Variants in SCARB2 observed in about 807,000 individuals in gnomAD.
SCARB2 encodes scavenger receptor class B member 2.
SCARB2 carries 29 observed loss-of-function variants against 58.6 expected under a neutral mutation model. That is an observed-to-expected ratio of 0.49 (90% CI 0.37 to 0.67). The LOEUF (loss-of-function observed/expected upper bound fraction) is 0.67, where lower values mean the gene tolerates loss of function less well. SCARB2 is among the 30% of genes least tolerant of loss of function. SCARB2 has a pLI of 0.00. For synonymous variants in SCARB2, 195 were observed against 210.1 expected (o/e 0.93, Z 0.62); for missense variants, 488 against 578.5 (o/e 0.84, Z 1.60).
chr4:76,195,647 CT>C, intron 2 of SCARB2, 59 bp downstream of exon 2: 1 of 1,470,292 alleles, frequency 6.8e-7, no homozygotes, highest in Non-Finnish European at 9.5e-7. Context: ...GAGGCAAGGA[CT>C]CAGGCCATAT....
chr4:76,184,709 G>A (rs1376049636), intron 2 of SCARB2: 4 of 281,024 alleles, frequency 1.4e-5, no homozygotes, highest in South Asian at 1.3e-4. Flanking sequence ...TTGAGCCCAG[G>A]AGTTTGACGT....
intron 1 of SCARB2, among the ~76,000 whole-genome samples, chr4:76,200,673 G>A (rs1159021263): frequency 6.6e-6 from 1 of 152,124 alleles, no homozygotes; most frequent in Admixed American, 6.5e-5. Context: ...AACAGCTTAT[G>A]CCTGAAATTA....
At chr4:76,200,375 C>T (rs1425844406) in intron 1 of SCARB2, among the ~76,000 whole-genome samples, 1 of 152,158 alleles carries the variant, frequency 6.6e-6, no homozygotes, top group East Asian at 1.9e-4. Flanking sequence ...TGAATTTTTC[C>T]ACGCACAATA....
At chr4:76,214,318 T>A (rs1222258711), upstream of SCARB2, 1 of 455,910 alleles carries the variant, frequency 2.2e-6, no homozygotes, top group Non-Finnish European at 4.4e-6. Context: ...GGGCCCCACA[T>A]TGAACTGGGG....
rs148022786 is a variant in SCARB2 at position 76,180,998 on chromosome 4, C to A, written c.379G>T (p.Asp127Tyr). ...YVFERDQSVGDPKIDLIRTLN... is the reference protein window; with the variant it reads ...YVFERDQSVGYPKIDLIRTLN... ...GTTCTAATTAAGTCAATTTTAGGGT[C>A]TCCAACAGATTGGTCTCGTTCAAAA... Residue 127 changes from aspartate (D) to tyrosine (Y), a missense_variant, in exon 3 of 12, where the codon GAC (aspartate) becomes TAC (tyrosine). By Grantham distance (160) the Asp-to-Tyr change is radical. Transcript: ENST00000264896. The A allele has an allele frequency of 6.0e-5, 97 of 1,613,640 alleles. No homozygotes were observed. In the African/African-American group the frequency reaches 1.1e-3, roughly 18 times the overall value.
intron 1 of SCARB2, among the ~76,000 whole-genome samples, chr4:76,229,037 A>G (rs60225905): frequency 0.15 from 22,778 of 151,944 alleles, 2,024 homozygotes; most frequent in East Asian, 0.35. Flanking sequence ...TTTTTTAATT[A>G]CTTTTTCTTT....
At chr4:76,222,013 C>T (rs563271438) in intron 1 of SCARB2, among the ~76,000 whole-genome samples, 12 of 152,210 alleles carry the variant, frequency 7.9e-5, no homozygotes, top group Non-Finnish European at 1.2e-4. Context: ...AAGGGATCCA[C>T]CTGGTATACT....
chr4:76,179,915 T>C lies in SCARB2; in HGVS notation c.424-210A>G, dbSNP rs3816248. 96,438 of 608,336 alleles carry C rather than the reference T, an allele frequency of 0.16. 9,175 individuals are homozygous for C. The highest frequency in any genetic ancestry group is 0.34 in the East Asian group (12,160 of 35,478). The allele number at this position is 608,336 out of a possible 1,614,324, so 37.7% of individuals were successfully genotyped here. A position where few individuals can be genotyped will look rare whatever the true frequency, so the allele number is the denominator to read the frequency against. On this transcript the variant is annotated intron_variant, in intron 3 of 11. Coordinates refer to ENST00000264896, the MANE Select transcript of SCARB2 (RefSeq NM_005506.4). ...CTTTCCCAGTACTGCATTTTGTAAG[T>C]GTAATATTTACAAAGAGACCATTTG...
intron 2 of SCARB2, among the ~76,000 whole-genome samples, chr4:76,191,301 T>C (rs1732600192): frequency 6.6e-6 from 1 of 152,246 alleles, no homozygotes; most frequent in Non-Finnish European, 1.5e-5. Context: ...ACATATTGAC[T>C]TGTACAGACT....
At chr4:76,229,064 G>A (rs746823675) in intron 1 of SCARB2, among the ~76,000 whole-genome samples, 24 of 151,976 alleles carry the variant, frequency 1.6e-4, no homozygotes, top group Non-Finnish European at 1.6e-4. Flanking sequence ...GTCAGATTGG[G>A]TTAATTCAAA....
chr4:76,189,531 G>A (rs973177739), intron 2 of SCARB2, among the ~76,000 whole-genome samples: 6 of 152,100 alleles, frequency 3.9e-5, no homozygotes, highest in Non-Finnish European at 7.3e-5. Flanking sequence ...CGCCCAGGCT[G>A]GCATTCGGTG....
At chr4:76,212,022 G>A (rs76069026) in intron 1 of SCARB2, among the ~76,000 whole-genome samples, 4,514 of 152,226 alleles carry the variant, frequency 0.03, 134 homozygotes, top group African/African-American at 0.08. Context: ...GAATCTAAGG[G>A]CTGGCTATAT....
At chr4:76,195,578 TCAGA>T (rs1732694309) in intron 2 of SCARB2, 125 bp downstream of exon 2, 1 of 789,690 alleles carries the variant, frequency 1.3e-6, no homozygotes, top group Non-Finnish European at 2.2e-6. Context: ...CAGCAGCGTT[TCAGA>T]CAATGAAATC....
intron 2 of SCARB2, among the ~76,000 whole-genome samples, chr4:76,188,436 C>A (rs1051126640): frequency 8.5e-5 from 13 of 152,302 alleles, no homozygotes; most frequent in African/African-American, 2.2e-4. Context: ...TTCTGAACTC[C>A]CCAGTATGTG....
intron 4 of SCARB2, chr4:76,179,017 C>T (rs761005539): frequency 4.7e-5 from 8 of 169,484 alleles, no homozygotes; most frequent in Non-Finnish European, 8.8e-5. Context: ...CAACTATCCA[C>T]TGCACTCCAG....
intron 2 of SCARB2, among the ~76,000 whole-genome samples, chr4:76,183,501 A>T (rs1486019879): frequency 6.6e-6 from 1 of 152,258 alleles, no homozygotes; most frequent in Non-Finnish European, 1.5e-5. Context: ...CAAAGTATAC[A>T]GATGAAGAGA....
chr4:76,174,822 C>G (rs1246341476), intron 6 of SCARB2: 1 of 162,200 alleles, frequency 6.2e-6, no homozygotes, highest in Non-Finnish European at 1.4e-5. Context: ...CAAGAAAAAT[C>G]AGATTCCATA....
upstream of SCARB2, among the ~76,000 whole-genome samples, chr4:76,216,784 C>A (rs562680517): frequency 6.6e-6 from 1 of 152,312 alleles, no homozygotes; most frequent in African/African-American, 2.4e-5. Flanking sequence ...CTTAACACAG[C>A]TGACCAGGCT....
rs199686576 is a variant in SCARB2, at chr4:76,176,421, A to G, written c.704+16T>C. The G allele has an allele frequency of 2.3e-4, 363 of 1,554,690 alleles. No homozygotes were observed. The African/African-American group carries it at 4.3e-3, about 18-fold the overall frequency. On this transcript the variant is annotated intron_variant, in intron 5 of 11. Coordinates refer to ENST00000264896, the MANE Select transcript of SCARB2 (RefSeq NM_005506.4). Reference sequence around the variant, plus strand: ...AAACTGAAAAAATAATTCCACTGATAAATCATTTGACTTACGTTTTCCCAT... The same window carrying G: ...AAACTGAAAAAATAATTCCACTGATGAATCATTTGACTTACGTTTTCCCAT...
Sources: gnomAD v4.1 joint callset for allele counts (sites outside exome capture counted in the v4.1 genomes callset) on GRCh38, gnomAD v4.1.1 for gene constraint, MANE v1.5 for transcripts, NCBI Gene and HGNC (gene_info 2026-07-23, HGNC 2026-07-21) for gene names.